The following IL1RL2 variants were observed in gnomAD, a reference collection of about 807,000 sequenced individuals.
IL1RL2 encodes interleukin 1 receptor like 2, also known as interleukin-1 receptor-like 2.
IL1RL2 carries 68 observed loss-of-function variants against 66.8 expected under a neutral mutation model. The ratio of observed to expected loss-of-function variants is 1.02; its 90% confidence interval spans 0.84 to 1.25. IL1RL2 has a LOEUF of 1.25. Among genes scored for constraint, IL1RL2 ranks in the 50% most tolerant of loss-of-function variants. The pLI, the probability that IL1RL2 is intolerant of heterozygous loss-of-function variation, is 0.00. For missense variants in IL1RL2, 729 were observed against 709.3 expected (o/e 1.03, Z -0.32); for synonymous variants, 305 against 264.6 (o/e 1.15, Z -1.48).
At position 102,219,037 on chromosome 2, in the gene IL1RL2, T is replaced by C. The variant is rs746555400; in HGVS notation, c.809T>C (p.Val270Ala). The C allele has an allele frequency of 6.2e-7, 1 of 1,613,974 alleles. No individual in the cohort carries two copies. The highest frequency in any genetic ancestry group is 8.5e-7 in the Non-Finnish European group (1 of 1,179,856). Residue 270 changes from valine to alanine, a missense_variant, in exon 7 of 12, where the codon GTG (valine) becomes GCG (alanine). Coordinates refer to ENST00000264257, the MANE Select transcript of IL1RL2 (RefSeq NM_003854.4). ...LRCWRVNNTL[V>A]DDYYDESKRI... Reference sequence around the variant, plus strand: ...TGCTGGAGAGTCAATAACACTTTGGTGGATGATTACTATGATGAATCCAAA... The same window carrying C: ...TGCTGGAGAGTCAATAACACTTTGGCGGATGATTACTATGATGAATCCAAA...
rs769431595 is a variant in IL1RL2, at chr2:102,201,684, C to T, written c.618C>T (p.Tyr206=). 23 of 1,613,838 alleles carry T rather than the reference C, an allele frequency of 1.4e-5. No homozygotes were observed. The highest frequency in any genetic ancestry group is 6.6e-5 in the South Asian group (6 of 91,076). ...TACTGACACACTCAGGGAAGCAGTACGAGGTTTTAAATGGCATCACTGTGA... is the reference window on the plus strand; with the variant it reads ...TACTGACACACTCAGGGAAGCAGTATGAGGTTTTAAATGGCATCACTGTGA... ...QAILTHSGKQ[Y]EVLNGITVSI... The change falls in exon 5 of 12, where the codon TAC becomes TAT. Residue 206 remains tyrosine, a synonymous_variant. Coordinates refer to ENST00000264257, the MANE Select transcript of IL1RL2 (RefSeq NM_003854.4).
At chr2:102,227,555 C>G (rs1690733472) in intron 9 of IL1RL2, among the ~76,000 whole-genome samples, 1 of 152,128 alleles carries the variant, frequency 6.6e-6, no homozygotes, top group African/African-American at 2.4e-5. Context: ...TGTGGATAGT[C>G]CGACTGGGCA....
At chr2:102,227,191 T>C (rs1690696661) in intron 9 of IL1RL2, among the ~76,000 whole-genome samples, 1 of 152,218 alleles carries the variant, frequency 6.6e-6, no homozygotes, top group African/African-American at 2.4e-5. Context: ...AGAAGCCTGG[T>C]GCAGCTGATC....
intron 5 of IL1RL2, among the ~76,000 whole-genome samples, chr2:102,202,912 C>A (rs1374324212): frequency 1.3e-5 from 2 of 152,166 alleles, no homozygotes; most frequent in African/African-American, 2.4e-5. Context: ...ACTTCCAGTA[C>A]AATGTTGAAT....
At chr2:102,236,262 G>C (rs1559568553) in intron 11 of IL1RL2, among the ~76,000 whole-genome samples, 1 of 152,224 alleles carries the variant, frequency 6.6e-6, no homozygotes, top group African/African-American at 2.4e-5. Context: ...AGCAGTCAGT[G>C]GGGGCTGGAA....
downstream of IL1RL2, among the ~76,000 whole-genome samples, chr2:102,241,286 A>G (rs1348837201): frequency 6.6e-6 from 1 of 152,196 alleles, no homozygotes; most frequent in Non-Finnish European, 1.5e-5. Flanking sequence ...GGGGATCAGC[A>G]GGCCCTGTTT....
intron 1 of IL1RL2, 194 bp downstream of exon 1, chr2:102,187,280 C>T: frequency 8.5e-7 from 1 of 1,175,704 alleles, no homozygotes; most frequent in Non-Finnish European, 1.1e-6. Flanking sequence ...GTGGAGCTCG[C>T]GGCTATTTTC....
intron 2 of IL1RL2, 21 bp from the exon 3 acceptor site, chr2:102,189,055 G>A: frequency 1.9e-6 from 3 of 1,566,176 alleles, no homozygotes; most frequent in Non-Finnish European, 2.6e-6. Flanking sequence ...TAATTGTTTT[G>A]TTTTGTTTTT....
intron 9 of IL1RL2, among the ~76,000 whole-genome samples, chr2:102,227,718 A>T (rs912320914): frequency 2.6e-5 from 4 of 152,100 alleles, no homozygotes; most frequent in Non-Finnish European, 4.4e-5. Context: ...TGAGTGGTTC[A>T]GTTGCTTTCT....
At chr2:102,220,883 C>A (rs1212562128) in intron 8 of IL1RL2, among the ~76,000 whole-genome samples, 1 of 152,228 alleles carries the variant, frequency 6.6e-6, no homozygotes, top group African/African-American at 2.4e-5. Flanking sequence ...CGTGCCTTTG[C>A]CCCTGCCAAG....
At chr2:102,195,079 G>A (rs1687550450) in intron 4 of IL1RL2, among the ~76,000 whole-genome samples, 1 of 152,174 alleles carries the variant, frequency 6.6e-6, no homozygotes, top group South Asian at 2.1e-4. Flanking sequence ...AAAAACAGGT[G>A]GTTAGCCACA....
chr2:102,200,881 G>A (rs2104756689), intron 4 of IL1RL2, among the ~76,000 whole-genome samples: 1 of 152,316 alleles, frequency 6.6e-6, no homozygotes. Flanking sequence ...GGAAGCGGGA[G>A]AAGTGATGTG....
At chr2:102,191,013 G>C (rs778597967) in intron 3 of IL1RL2, among the ~76,000 whole-genome samples, 8 of 151,948 alleles carry the variant, frequency 5.3e-5, no homozygotes, top group Non-Finnish European at 1.0e-4. Context: ...AATTTTGCAG[G>C]AATAGTATCA....
chr2:102,231,497 TAAAAATAAAATAA>T lies in IL1RL2; in HGVS notation c.1136-1450_1136-1438del, dbSNP rs1379888575. Among the ~76,000 whole-genome samples, 4 of 145,302 alleles carry T rather than the reference TAAAAATAAAATAA, an allele frequency of 2.8e-5. No individual in the cohort carries two copies. In the South Asian group the frequency reaches 6.3e-4, roughly 23 times the overall value. ...TGAGAGACATGAGTGAGACTCCATC[TAAAAATAAAATAA>T]AAAAATAAAATAAAATAAAATAAAA... is the stretch of plus-strand genomic sequence containing the variant. On this transcript the variant is annotated intron_variant, in intron 9 of 11. Transcript: ENST00000264257.
chr2:102,192,967 CA>C (rs1559527592), intron 4 of IL1RL2, among the ~76,000 whole-genome samples: 1 of 152,096 alleles, frequency 6.6e-6, no homozygotes, highest in Non-Finnish European at 1.5e-5. Flanking sequence ...AATTGTTTAG[CA>C]GCTCTTCTCT....
chr2:102,216,269 G>T (rs1393331607), intron 6 of IL1RL2, among the ~76,000 whole-genome samples: 6 of 152,122 alleles, frequency 3.9e-5, no homozygotes, highest in African/African-American at 1.4e-4. Context: ...TTCAACAACA[G>T]AATTCAACAA....
Position 102,235,290 on chromosome 2 carries a change from G to C in IL1RL2, c.1678+13G>C, listed in dbSNP as rs765768948. On this transcript the variant is annotated intron_variant, in intron 11 of 11. Coordinates refer to ENST00000264257, the MANE Select transcript of IL1RL2 (RefSeq NM_003854.4). Reference sequence around the variant, plus strand: ...TACCGCACCGCAGGTGAGCGGGTGGGAGGACACGAGGTTTGTCACGCACTG... The same window carrying C: ...TACCGCACCGCAGGTGAGCGGGTGGCAGGACACGAGGTTTGTCACGCACTG... 2 of 1,607,646 alleles carry C rather than the reference G, an allele frequency of 1.2e-6. No homozygotes were observed. Among genetic ancestry groups the C allele is most frequent in the Non-Finnish European group, 1.7e-6 (2 of 1,176,746 alleles).
chr2:102,209,048 G>A (rs2104790442), intron 5 of IL1RL2, among the ~76,000 whole-genome samples: 1 of 152,300 alleles, frequency 6.6e-6, no homozygotes, highest in Middle Eastern at 3.4e-3. Flanking sequence ...ATGCATTAAT[G>A]TTACATTGGT....
intron 8 of IL1RL2, among the ~76,000 whole-genome samples, chr2:102,223,704 G>A (rs985773260): frequency 6.6e-6 from 1 of 152,162 alleles, no homozygotes; most frequent in African/African-American, 2.4e-5. Context: ...AGCCTCATTA[G>A]TATTGTGGGC....
Sources: gnomAD v4.1 joint callset for allele counts (sites outside exome capture counted in the v4.1 genomes callset) on GRCh38, gnomAD v4.1.1 for gene constraint, MANE v1.5 for transcripts, NCBI Gene and HGNC (gene_info 2026-07-23, HGNC 2026-07-21) for gene names.